Variants in DPH6 observed in about 807,000 individuals in gnomAD.
DPH6 encodes the protein diphthamine biosynthesis 6.
In DPH6, 33 loss-of-function variants were observed where a neutral mutation model predicts 38.2. The ratio of observed to expected loss-of-function variants is 0.86; its 90% CI spans 0.65 to 1.15. The LOEUF (loss-of-function observed/expected upper bound fraction) is 1.15. Among genes scored for constraint, DPH6 ranks in the 50% most tolerant of loss-of-function variants. The probability of loss-of-function intolerance (pLI) is 0.00; values close to 1 mark genes in which losing one functional copy is unlikely to be tolerated. For missense variants in DPH6, 325 were observed against 320.0 expected (o/e 1.02, Z -0.12); for synonymous variants, 108 against 103.0 (o/e 1.05, Z -0.30).
chr15:35,224,308 T>A (rs137861293), intron 3 of DPH6, among the ~76,000 whole-genome samples: 3,993 of 152,124 alleles, frequency 0.026, 74 homozygotes, highest in Non-Finnish European at 0.04. Flanking sequence ...GGTTTCATCA[T>A]GTTGGCCAGG....
chr15:35,532,820 T>C (rs2055107891), intron 3 of DPH6, among the ~76,000 whole-genome samples: 2 of 151,912 alleles, frequency 1.3e-5, no homozygotes, highest in South Asian at 2.1e-4. Flanking sequence ...AAAAGAAGAA[T>C]TGGCTGGGCA....
the DPH6 span, among the ~76,000 whole-genome samples, chr15:35,174,897 A>T: frequency 6.6e-6 from 1 of 151,902 alleles, no homozygotes; most frequent in African/African-American, 2.4e-5. Flanking sequence ...AGTATGATTT[A>T]TATGTAATTT....
At chr15:35,292,395 G>A (rs995454829) in intron 3 of DPH6, among the ~76,000 whole-genome samples, 25 of 152,196 alleles carry the variant, frequency 1.6e-4, no homozygotes, top group African/African-American at 5.3e-4. Context: ...AAGATATCTA[G>A]CTTAACATTA....
At chr15:35,525,612 AACATAGTAAGACTATG>A (rs2141245813) in intron 3 of DPH6, among the ~76,000 whole-genome samples, 1 of 152,298 alleles carries the variant, frequency 6.6e-6, no homozygotes, top group East Asian at 1.9e-4. Context: ...TTTTGAAAAG[AACATAGTAAGACTATG>A]ACAAAAATTG....
chr15:35,510,531 G>A (rs1271094584), intron 3 of DPH6, among the ~76,000 whole-genome samples: 1 of 152,274 alleles, frequency 6.6e-6, no homozygotes, highest in East Asian at 1.9e-4. Flanking sequence ...AGTTGTCCAT[G>A]ATTCTTCTAG....
chr15:35,370,002 A>G (rs1335250405), downstream of DPH6, among the ~76,000 whole-genome samples: 1 of 151,886 alleles, frequency 6.6e-6, no homozygotes, highest in Non-Finnish European at 1.5e-5. Context: ...AGACTGTGGT[A>G]TTTGCAAAAG....
chr15:35,489,356 G>C lies in DPH6; in HGVS notation c.313-34536C>G, dbSNP rs1219933731. ...ATTTTTTGAAAGTGCTCCAATCCCTGGTCCCAGTTTCATTAAATTTTTTTC... is the reference window on the plus strand; with the variant it reads ...ATTTTTTGAAAGTGCTCCAATCCCTCGTCCCAGTTTCATTAAATTTTTTTC... On this transcript the variant is annotated intron_variant, in intron 3 of 8. Transcript: ENST00000256538. 4.1e-6 allele frequency: 4 copies of C among 985,094 alleles called. No individual in the cohort carries two copies. The Admixed American group carries it at 2.5e-4, about 61-fold the overall frequency. The allele number at this position is 985,094 out of a possible 1,614,324, so 61.0% of individuals were successfully genotyped here.
intron 6 of DPH6, among the ~76,000 whole-genome samples, chr15:35,403,896 G>A (rs760855798): frequency 6.6e-6 from 1 of 150,936 alleles, no homozygotes; most frequent in Non-Finnish European, 1.5e-5. Flanking sequence ...CCAGCCTCTG[G>A]TAACCATCCT....
chr15:35,205,620 C>A, the DPH6 span, among the ~76,000 whole-genome samples: 2 of 151,962 alleles, frequency 1.3e-5, no homozygotes, highest in East Asian at 1.9e-4. Context: ...ATTTTGAAAG[C>A]ATATAACTAA....
intron 3 of DPH6, among the ~76,000 whole-genome samples, chr15:35,529,954 C>G (rs993943795): frequency 6.6e-6 from 1 of 151,146 alleles, no homozygotes; most frequent in African/African-American, 2.4e-5. Flanking sequence ...TTTTTTTTGA[C>G]GATTTAATGA....
chr15:35,402,113 C>A (rs752680246), intron 6 of DPH6, among the ~76,000 whole-genome samples: 1 of 152,136 alleles, frequency 6.6e-6, no homozygotes, highest in African/African-American at 2.4e-5. Context: ...TTTTAAAAAA[C>A]GTGTTGTGTA....
intron 3 of DPH6, among the ~76,000 whole-genome samples, chr15:35,534,391 A>AAAAAG (rs1469924420): frequency 1.3e-5 from 2 of 151,454 alleles, no homozygotes; most frequent in African/African-American, 4.9e-5. Flanking sequence ...AAAAAAAAAA[A>AAAAAG]AAAAGAAAAG....
chr15:35,216,155 G>A (rs2051410079), downstream of DPH6, among the ~76,000 whole-genome samples: 2 of 152,204 alleles, frequency 1.3e-5, no homozygotes, highest in South Asian at 4.1e-4. Context: ...CAAGACCTGG[G>A]TTGTGGGCCT....
At chr15:35,520,220 C>CAAAA (rs1353792195) in intron 3 of DPH6, 72 of 445,016 alleles carry the variant, frequency 1.6e-4, no homozygotes, top group East Asian at 4.8e-4. Flanking sequence ...AAACATGCTA[C>CAAAA]AAAAAAAAAC....
At chr15:35,229,522 TG>T (rs2051503312) in intron 3 of DPH6, among the ~76,000 whole-genome samples, 1 of 152,222 alleles carries the variant, frequency 6.6e-6, no homozygotes, top group East Asian at 1.9e-4. Context: ...CACATATCTC[TG>T]TTTCTCTAGT....
Position 35,373,554 on chromosome 15 carries a change from A to G in DPH6, c.717T>C (p.Tyr239=). Residue 239 remains tyrosine, a synonymous_variant, in exon 8 of 9, where the codon TAT becomes TAC. Transcript: ENST00000256538. The part of the protein sequence containing the change: ...HSADAFAPVA[Y]LRFLELHLED... ...CCAAGTGCAATTCTAAAAAGCGTAG[A>G]TAAGCCACAGGTGCAAATGCATCAG... The G allele has an allele frequency of 6.2e-7, 1 of 1,608,714 alleles. No homozygotes were observed. Among genetic ancestry groups the G allele is most frequent in the Non-Finnish European group, 8.5e-7 (1 of 1,177,514 alleles).
At chr15:35,299,506 G>A (rs2052039895) in intron 3 of DPH6, 2 of 686,174 alleles carry the variant, frequency 2.9e-6, no homozygotes, top group Admixed American at 4.1e-5. Context: ...GCGGCAGCGC[G>A]GAGCCGGGGA....
chr15:35,542,940 T>A (rs2055278378), intron 1 of DPH6, among the ~76,000 whole-genome samples: 2 of 15,084 alleles, frequency 1.3e-4, no homozygotes, highest in South Asian at 4.8e-3. Flanking sequence ...TTATTCCACT[T>A]AAGGAATATA....
At chr15:35,185,897 T>G in the DPH6 span, among the ~76,000 whole-genome samples, 1 of 148,632 alleles carries the variant, frequency 6.7e-6, no homozygotes. Context: ...CACGCCCGGC[T>G]AATTTTTTTT....
Sources: allele counts gnomAD v4.1 joint callset (sites outside exome capture counted in the v4.1 genomes callset), GRCh38; gene constraint gnomAD v4.1.1; transcripts MANE v1.5; gene names NCBI Gene and HGNC (gene_info 2026-07-23, HGNC 2026-07-21).